Variants in EVI5 observed in about 807,000 individuals in gnomAD.
EVI5 encodes ecotropic viral integration site 5 protein homolog.
A neutral mutation model predicts 112.0 loss-of-function variants in EVI5; 73 were observed. The observed-to-expected ratio is 0.65, with a 90% confidence interval of 0.54 to 0.79. The LOEUF is 0.79. Ranked by LOEUF, EVI5 falls within the 30% of genes least tolerant of loss-of-function variation. The pLI is 0.00. For synonymous variants in EVI5, 305 were observed against 319.9 expected (o/e 0.95, Z 0.50); for missense variants, 900 against 968.8 (o/e 0.93, Z 0.94).
intron 16 of EVI5, among the ~76,000 whole-genome samples, chr1:92,614,832 G>A (rs1652667716): frequency 1.9e-5 from 1 of 53,028 alleles, no homozygotes; most frequent in Non-Finnish European, 3.3e-5. Flanking sequence ...TGTATTTTAT[G>A]TTATATTTTA....
chr1:92,675,752 C>T lies in EVI5; in HGVS notation c.1158+1406G>A, dbSNP rs1268389963. On this transcript the variant is annotated intron_variant, in intron 10 of 19. Coordinates refer to ENST00000684568, the MANE Select transcript of EVI5 (RefSeq NM_001350197.2). Reference sequence around the variant, plus strand: ...CAGGTGGATCACGAGGTCAGGAGATCGAGACCATCCTGGCTAACACGGTGA... The same window carrying T: ...CAGGTGGATCACGAGGTCAGGAGATTGAGACCATCCTGGCTAACACGGTGA... Among the ~76,000 whole-genome samples, 5 of 151,890 alleles carry T rather than the reference C, an allele frequency of 3.3e-5. No homozygotes were observed. The East Asian group carries it at 7.8e-4, about 24-fold the overall frequency.
intron 1 of EVI5, among the ~76,000 whole-genome samples, chr1:92,762,192 C>T (rs1207860604): frequency 6.6e-6 from 1 of 152,126 alleles, no homozygotes; most frequent in Non-Finnish European, 1.5e-5. Flanking sequence ...GCATGTTTCT[C>T]CAAGTTAATA....
chr1:92,635,328 C>T (rs1658537707), intron 14 of EVI5, among the ~76,000 whole-genome samples: 1 of 152,250 alleles, frequency 6.6e-6, no homozygotes, highest in South Asian at 2.1e-4. Flanking sequence ...GGGCTCCACC[C>T]AGTTGGAGCT....
At chr1:92,631,031 T>G (rs1656940203) in intron 14 of EVI5, among the ~76,000 whole-genome samples, 2 of 152,232 alleles carry the variant, frequency 1.3e-5, no homozygotes, top group African/African-American at 4.8e-5. Flanking sequence ...TCTGTTCCAT[T>G]GATCTATATC....
chr1:92,548,000 G>A (rs1334292050), intron 19 of EVI5, among the ~76,000 whole-genome samples: 1 of 152,138 alleles, frequency 6.6e-6, no homozygotes, highest in African/African-American at 2.4e-5. Flanking sequence ...CATTTTATGA[G>A]GCCAGCATCA....
chr1:92,530,291 G>C (rs1662638514), intron 19 of EVI5, among the ~76,000 whole-genome samples: 2 of 152,126 alleles, frequency 1.3e-5, no homozygotes, highest in Admixed American at 1.3e-4. Context: ...GCCCCAGTCA[G>C]GACTTATAGA....
chr1:92,549,586 C>T (rs373023128), intron 19 of EVI5, among the ~76,000 whole-genome samples: 29 of 152,024 alleles, frequency 1.9e-4, no homozygotes, highest in East Asian at 9.7e-4. Context: ...AGAAAATTTT[C>T]GCAACCTACT....
chr1:92,532,511 C>A (rs1020184248), intron 19 of EVI5, among the ~76,000 whole-genome samples: 5 of 152,158 alleles, frequency 3.3e-5, no homozygotes, highest in African/African-American at 1.2e-4. Flanking sequence ...CACACTTATT[C>A]TAAAATTGAC....
intron 2 of EVI5, chr1:92,732,655 C>T (rs767810994): frequency 1.3e-5 from 2 of 155,686 alleles, no homozygotes; most frequent in African/African-American, 4.8e-5. Flanking sequence ...AATCCTGGCA[C>T]TTTGGGAGGC....
intron 14 of EVI5, 90 bp downstream of exon 14, chr1:92,636,112 C>G: frequency 9.4e-7 from 1 of 1,062,354 alleles, no homozygotes; most frequent in Non-Finnish European, 1.4e-6. Context: ...TATAAAAACA[C>G]CAAGTCAATT....
At chr1:92,661,628 G>A (rs1405664475) in intron 13 of EVI5, among the ~76,000 whole-genome samples, 1 of 151,294 alleles carries the variant, frequency 6.6e-6, no homozygotes, top group Middle Eastern at 3.2e-3. Context: ...CAAAATATGA[G>A]TTCCCTTCTT....
In EVI5 at chr1:92,648,657, T is replaced by C. The variant is rs113774271; in HGVS notation, c.1393-12321A>G. ...TGTGATCTTTTGGGTCTGGCTTTTT[T>C]CACTTAGCTTAAGGTTTTGGAAGTT... On this transcript the variant is annotated intron_variant, in intron 13 of 19. Coordinates refer to ENST00000684568, the MANE Select transcript of EVI5 (RefSeq NM_001350197.2). Among the ~76,000 whole-genome samples, 885 of 152,326 alleles carry C rather than the reference T, an allele frequency of 5.8e-3. 8 individuals carry two copies. The highest frequency in any genetic ancestry group is 0.019 in the African/African-American group (786 of 41,574).
chr1:92,764,809 A>G (rs960166001), intron 1 of EVI5, among the ~76,000 whole-genome samples: 1 of 152,244 alleles, frequency 6.6e-6, no homozygotes, highest in Non-Finnish European at 1.5e-5. Context: ...CCTTAAAACT[A>G]TAAATAACAA....
intron 18 of EVI5, among the ~76,000 whole-genome samples, chr1:92,582,231 G>T (rs1371924611): frequency 6.6e-6 from 1 of 152,170 alleles, no homozygotes; most frequent in East Asian, 1.9e-4. Context: ...AAAAGGTACA[G>T]AACACATACT....
At chr1:92,702,363 A>C (rs1671304104) in intron 4 of EVI5, 148 bp from the exon 5 acceptor site, 2 of 438,726 alleles carry the variant, frequency 4.6e-6, no homozygotes, top group South Asian at 8.2e-5. Context: ...TATCCTATAC[A>C]TATTTAAAAA....
chr1:92,754,538 T>C (rs1362771149), intron 1 of EVI5, among the ~76,000 whole-genome samples: 1 of 150,194 alleles, frequency 6.7e-6, no homozygotes, highest in African/African-American at 2.4e-5. Context: ...GCAGACAAGA[T>C]CTTGGCTAGT....
chr1:92,555,929 A>C (rs1174638102), intron 19 of EVI5, among the ~76,000 whole-genome samples: 10 of 152,118 alleles, frequency 6.6e-5, no homozygotes, highest in Admixed American at 6.5e-4. Context: ...ATAAAGAAAA[A>C]AAATAGCTGC....
chr1:92,616,472 T>C (rs1653186588), intron 16 of EVI5, among the ~76,000 whole-genome samples: 1 of 152,150 alleles, frequency 6.6e-6, no homozygotes, highest in Non-Finnish European at 1.5e-5. Context: ...GCAATCAGAA[T>C]AGTCTGACTT....
intron 19 of EVI5, among the ~76,000 whole-genome samples, chr1:92,546,645 G>A (rs560862621): frequency 7.2e-5 from 11 of 152,110 alleles, no homozygotes; most frequent in Admixed American, 4.6e-4. Context: ...GCAGTGAGCC[G>A]AGATCACGCC....
Sources: allele counts gnomAD v4.1 joint callset (sites outside exome capture counted in the v4.1 genomes callset), GRCh38; gene constraint gnomAD v4.1.1; transcripts MANE v1.5; gene names NCBI Gene and HGNC (gene_info 2026-07-23, HGNC 2026-07-21).